Variants in TRIQK observed in about 807,000 individuals in gnomAD.
The protein encoded by TRIQK is triple QxxK/R motif-containing protein.
A neutral mutation model predicts 10.8 loss-of-function variants in TRIQK; 10 were observed. The ratio of observed to expected loss-of-function variants is 0.92; its 90% CI spans 0.57 to 1.57. TRIQK has a LOEUF of 1.57. TRIQK is among the 40% of genes most tolerant of loss of function. TRIQK has a pLI of 0.00. For synonymous variants in TRIQK, 33 were observed against 33.7 expected, an observed-to-expected ratio of 0.98 and a Z score of 0.07; for missense variants, 107 against 97.7, an observed-to-expected ratio of 1.09 and a Z score of -0.40.
intron 1 of TRIQK, among the ~76,000 whole-genome samples, chr8:93,006,758 T>G (rs1813277418): frequency 6.6e-6 from 1 of 152,192 alleles, no homozygotes; most frequent in South Asian, 2.1e-4. Context: ...ACTGCCTCTT[T>G]AGGCAGGACT....
chr8:92,959,839 G>C (rs969535723), intron 1 of TRIQK, among the ~76,000 whole-genome samples: 1 of 152,018 alleles, frequency 6.6e-6, no homozygotes, highest in Non-Finnish European at 1.5e-5. Context: ...GACTGTATAC[G>C]TAAGAGTGGT....
intron 1 of TRIQK, among the ~76,000 whole-genome samples, chr8:93,010,059 T>G (rs951446257): frequency 6.6e-5 from 10 of 152,120 alleles, no homozygotes; most frequent in African/African-American, 2.4e-4. Flanking sequence ...ATGAGGAATC[T>G]ATAAAAGTTG....
At chr8:92,999,141 A>T (rs1305913226) in intron 1 of TRIQK, among the ~76,000 whole-genome samples, 2 of 152,168 alleles carry the variant, frequency 1.3e-5, no homozygotes, top group Non-Finnish European at 2.9e-5. Context: ...AGGTTGTTCC[A>T]GGCTAATATT....
At chr8:92,894,674 T>C (rs986639121) in intron 3 of TRIQK, among the ~76,000 whole-genome samples, 3 of 152,150 alleles carry the variant, frequency 2.0e-5, no homozygotes, top group African/African-American at 7.2e-5. Context: ...GAACAGGTTC[T>C]ACTGCATTTT....
chr8:93,017,202 C>A (rs1042014225), intron 1 of TRIQK, among the ~76,000 whole-genome samples: 2 of 144,468 alleles, frequency 1.4e-5, no homozygotes, highest in African/African-American at 2.6e-5. Context: ...TATCAGGAAG[C>A]TATTGCTCTG....
intron 1 of TRIQK, among the ~76,000 whole-genome samples, chr8:93,005,835 G>A (rs1480978628): frequency 6.6e-6 from 1 of 152,142 alleles, no homozygotes; most frequent in East Asian, 1.9e-4. Context: ...TGAAATAAAA[G>A]TTCTCCAAAT....
intron 1 of TRIQK, among the ~76,000 whole-genome samples, chr8:92,998,717 CTT>C (rs1347622405): frequency 1.3e-5 from 2 of 152,018 alleles, no homozygotes; most frequent in Admixed American, 6.6e-5. Flanking sequence ...AGGGGCTACT[CTT>C]GTTGCTATTT....
At chr8:92,946,536 CT>C (rs1811540097) in intron 2 of TRIQK, among the ~76,000 whole-genome samples, 1 of 152,118 alleles carries the variant, frequency 6.6e-6, no homozygotes, top group Admixed American at 6.5e-5. Context: ...CTCTGAACCC[CT>C]GTCTTTAAAA....
At chr8:92,997,927 T>C (rs1258681491) in intron 1 of TRIQK, among the ~76,000 whole-genome samples, 4 of 152,028 alleles carry the variant, frequency 2.6e-5, no homozygotes, top group Non-Finnish European at 5.9e-5. Flanking sequence ...AAGACAACAC[T>C]TACAAAAATC....
intron 1 of TRIQK, among the ~76,000 whole-genome samples, chr8:93,001,480 T>A (rs928993575): frequency 1.1e-4 from 17 of 152,050 alleles, no homozygotes; most frequent in African/African-American, 4.1e-4. Flanking sequence ...TGAACAAAAG[T>A]AGCTAAATTT....
At chr8:92,958,677 G>A (rs1314115503) in intron 1 of TRIQK, among the ~76,000 whole-genome samples, 1 of 151,968 alleles carries the variant, frequency 6.6e-6, no homozygotes, top group African/African-American at 2.4e-5. Flanking sequence ...GTCAAACACT[G>A]AAGGGCAAAA....
chr8:92,892,533 C>G (rs995287396), intron 3 of TRIQK, among the ~76,000 whole-genome samples: 1 of 151,824 alleles, frequency 6.6e-6, no homozygotes, highest in Non-Finnish European at 1.5e-5. Flanking sequence ...CCCAAGTTTC[C>G]TTTAAGTAAA....
At chr8:93,001,855 C>T (rs1489735348) in intron 1 of TRIQK, among the ~76,000 whole-genome samples, 1 of 152,216 alleles carries the variant, frequency 6.6e-6, no homozygotes, top group African/African-American at 2.4e-5. Flanking sequence ...TACTTATGGG[C>T]CATTCTCCAG....
chr8:92,892,224 C>G (rs960756708), intron 3 of TRIQK, 150 bp from the exon 4 acceptor site: 14 of 532,208 alleles, frequency 2.6e-5, no homozygotes, highest in Non-Finnish European at 4.2e-5. Context: ...AAACTTGTCA[C>G]CAAAAGGTCA....
At chr8:92,917,501 C>T (rs1809927613) in intron 2 of TRIQK, among the ~76,000 whole-genome samples, 1 of 151,930 alleles carries the variant, frequency 6.6e-6, no homozygotes, top group Admixed American at 6.6e-5. Flanking sequence ...AGTTCTAGTT[C>T]TGCCCCTCTT....
chr8:92,940,666 A>G lies in TRIQK; in HGVS notation c.-22+13740T>C, dbSNP rs1563648394. Reference sequence around the variant, plus strand: ...GATATAAAGAGAGAAATTGACTCCAACACAATAATAGCACAGGACTTCAAC... The same window carrying G: ...GATATAAAGAGAGAAATTGACTCCAGCACAATAATAGCACAGGACTTCAAC... On this transcript the variant is annotated intron_variant, in intron 2 of 4. Transcript: ENST00000521988. 2.6e-5 allele frequency among the ~76,000 whole-genome samples: 4 copies of G among 152,330 alleles called. 1 individual carries two copies. The highest frequency in any genetic ancestry group is 9.6e-5 in the African/African-American group (4 of 41,582).
chr8:92,964,162 T>C (rs1256693266), intron 1 of TRIQK, among the ~76,000 whole-genome samples: 2 of 151,948 alleles, frequency 1.3e-5, no homozygotes, highest in African/African-American at 4.8e-5. Context: ...AACAAAGGTA[T>C]GTTATGGTAA....
At position 92,883,835 on chromosome 8, in the gene TRIQK, G is replaced by A. The variant is rs1239444914; in HGVS notation, c.*2787C>T. ...TAAAACAACTACCCACCCTACATTT[G>A]TACTAAAATAGGCTTTTGCTTGTTT... On this transcript the variant is annotated 3_prime_UTR_variant, in exon 5 of 5. Transcript: ENST00000521988. 1 of 151,562 alleles carries A rather than the reference G, an allele frequency of 6.6e-6. No individual in the cohort carries two copies. Among genetic ancestry groups the A allele is most frequent in the African/African-American group, 2.4e-5 (1 of 41,330 alleles). 9.4% of individuals were successfully genotyped at this position (151,562 alleles called of 1,614,324 possible).
chr8:92,897,201 C>T (rs886228788), intron 3 of TRIQK, among the ~76,000 whole-genome samples: 2 of 152,042 alleles, frequency 1.3e-5, no homozygotes, highest in African/African-American at 4.8e-5. Context: ...ACGAATGATG[C>T]CTTGAGTCTT....
Sources: allele counts gnomAD v4.1 joint callset (sites outside exome capture counted in the v4.1 genomes callset), GRCh38; gene constraint gnomAD v4.1.1; transcripts MANE v1.5; gene names NCBI Gene and HGNC (gene_info 2026-07-23, HGNC 2026-07-21).